ELF1: variants seen among roughly 807,000 people sequenced by gnomAD.
ELF1 encodes the protein ETS-related transcription factor Elf-1.
A neutral mutation model predicts 59.9 loss-of-function variants in ELF1; 24 were observed. The ratio of observed to expected loss-of-function variants is 0.40; its 90% CI spans 0.29 to 0.56. The LOEUF is 0.56. ELF1 is among the 20% of genes least tolerant of loss of function. ELF1 has a pLI of 0.44. For missense variants in ELF1, 627 were observed against 742.2 expected (o/e 0.84, Z 1.80); for synonymous variants, 248 against 266.2 (o/e 0.93, Z 0.67).
chr13:40,938,390 A>G (rs1593347639), intron 8 of ELF1, among the ~76,000 whole-genome samples: 1 of 152,358 alleles, frequency 6.6e-6, no homozygotes, highest in Middle Eastern at 3.4e-3. Context: ...CACATGAAAT[A>G]AAAAGAAATG....
chr13:40,969,397 T>C (rs1405779536), intron 2 of ELF1, among the ~76,000 whole-genome samples: 1 of 152,206 alleles, frequency 6.6e-6, no homozygotes, highest in Non-Finnish European at 1.5e-5. Flanking sequence ...CTGGGTAACA[T>C]GCATTCCTTC....
At chr13:40,989,575 C>A (rs1170933596) in intron 1 of ELF1, among the ~76,000 whole-genome samples, 3 of 151,836 alleles carry the variant, frequency 2.0e-5, no homozygotes, top group African/African-American at 7.3e-5. Flanking sequence ...TTGTTGAATT[C>A]TTTATTAATT....
intron 1 of ELF1, among the ~76,000 whole-genome samples, chr13:41,001,741 C>T (rs1411722338): frequency 3.3e-5 from 5 of 152,188 alleles, no homozygotes; most frequent in South Asian, 4.2e-4. Flanking sequence ...TGCAGTGGCA[C>T]GCTCCCATAG....
intron 2 of ELF1, among the ~76,000 whole-genome samples, chr13:40,980,580 T>A (rs552551648): frequency 6.6e-6 from 1 of 152,180 alleles, no homozygotes; most frequent in Non-Finnish European, 1.5e-5. Flanking sequence ...ACTTCTCTCA[T>A]GTTCCAAAGA....
At chr13:41,015,723 C>T (rs1157608602) in intron 1 of ELF1, among the ~76,000 whole-genome samples, 1 of 152,018 alleles carries the variant, frequency 6.6e-6, no homozygotes, top group Non-Finnish European at 1.5e-5. Flanking sequence ...ATAGTATTAC[C>T]TACAACATGC....
chr13:41,045,120 T>C (rs1876786817), intron 1 of ELF1, among the ~76,000 whole-genome samples: 1 of 152,226 alleles, frequency 6.6e-6, no homozygotes, highest in East Asian at 1.9e-4. Flanking sequence ...AGTTTTCATT[T>C]CTGTGGTATC....
At chr13:40,961,271 T>C (rs942381978) in intron 2 of ELF1, among the ~76,000 whole-genome samples, 11 of 152,176 alleles carry the variant, frequency 7.2e-5, no homozygotes, top group African/African-American at 2.7e-4. Context: ...CTAAAACACA[T>C]TTGGATCGTT....
chr13:40,968,681 T>C lies in ELF1; in HGVS notation c.73-9665A>G, dbSNP rs1872336146. Among the ~76,000 whole-genome samples the C allele has an allele frequency of 2.6e-5, 4 of 152,078 alleles. 1 individual carries two copies. The South Asian group carries it at 8.3e-4, about 31-fold the overall frequency. ...CCACTAAAACAGCTCCAAATATTTC[T>C]GTTGATTAACTCAAGCTCCCTGTAA... On this transcript the variant is annotated intron_variant, in intron 2 of 8. Coordinates refer to ENST00000239882, the MANE Select transcript of ELF1 (RefSeq NM_172373.4).
chr13:40,948,894 G>C (rs1289985200), intron 5 of ELF1, among the ~76,000 whole-genome samples: 1 of 152,060 alleles, frequency 6.6e-6, no homozygotes, highest in African/African-American at 2.4e-5. Context: ...AGGACAAAAG[G>C]GTTTAGATAA....
chr13:40,991,795 TTATTTAAACTTTA>T (rs1243314948), intron 1 of ELF1, among the ~76,000 whole-genome samples: 5 of 152,320 alleles, frequency 3.3e-5, no homozygotes, highest in African/African-American at 1.2e-4. Flanking sequence ...ATGACTTCTC[TTATTTAAACTTTA>T]ATTTTAACCT....
chr13:41,007,485 G>C (rs1874820749), intron 1 of ELF1, among the ~76,000 whole-genome samples: 1 of 152,052 alleles, frequency 6.6e-6, no homozygotes, highest in Admixed American at 6.5e-5. Context: ...AAATAAGGTT[G>C]CTATACAAAC....
intron 1 of ELF1, chr13:40,982,757 TAAG>T (rs1434045035): frequency 2.0e-6 from 1 of 492,950 alleles, no homozygotes; most frequent in African/African-American, 2.1e-5. Context: ...TAAAGTTTAG[TAAG>T]AAGTATTTTT....
intron 2 of ELF1, among the ~76,000 whole-genome samples, chr13:40,967,892 C>T (rs918327168): frequency 1.3e-5 from 2 of 151,904 alleles, no homozygotes; most frequent in African/African-American, 4.8e-5. Flanking sequence ...CATGCCTTGT[C>T]CTTTTTGTTT....
chr13:40,942,127 T>C (rs1566165831), intron 7 of ELF1, among the ~76,000 whole-genome samples: 1 of 152,234 alleles, frequency 6.6e-6, no homozygotes, highest in Non-Finnish European at 1.5e-5. Context: ...TTCAGTAAAT[T>C]TGATTGACTT....
At chr13:41,034,830 C>T (rs1384908080) in intron 1 of ELF1, among the ~76,000 whole-genome samples, 1 of 150,874 alleles carries the variant, frequency 6.6e-6, no homozygotes, top group African/African-American at 2.4e-5. Context: ...CCTATCAGCA[C>T]CCACAGAATA....
intron 2 of ELF1, among the ~76,000 whole-genome samples, chr13:40,980,075 T>G (rs936049541): frequency 6.6e-6 from 1 of 152,212 alleles, no homozygotes; most frequent in African/African-American, 2.4e-5. Context: ...GGCCACAGAC[T>G]GAAGACGCCA....
intron 8 of ELF1, among the ~76,000 whole-genome samples, chr13:40,937,905 C>T (rs1869888770): frequency 6.6e-6 from 1 of 152,348 alleles, no homozygotes; most frequent in Non-Finnish European, 1.5e-5. Flanking sequence ...ACCTCTGCCC[C>T]TCCTGAGTTC....
intron 8 of ELF1, among the ~76,000 whole-genome samples, chr13:40,939,944 A>C (rs1265337724): frequency 6.6e-6 from 1 of 152,224 alleles, no homozygotes; most frequent in Non-Finnish European, 1.5e-5. Context: ...AAATCAAGTG[A>C]AGATTTAAGA....
chr13:40,941,482 G>A lies in ELF1; in HGVS notation c.807-112C>T, dbSNP rs539841888. ...TTTAAAGTTGGAATCAAACTAATGA[G>A]AAAAGAATTTCTAAATAAAGGGCTG... On this transcript the variant is annotated intron_variant, in intron 7 of 8. Transcript: ENST00000239882. 4,285 of 986,312 alleles carry A rather than the reference G, an allele frequency of 4.3e-3. 20 individuals carry two copies. Among genetic ancestry groups the A allele is most frequent in the South Asian group, 0.01 (612 of 58,352 alleles). 61.1% of individuals were successfully genotyped at this position (986,312 alleles called of 1,614,324 possible). A position where few individuals can be genotyped will look rare whatever the true frequency, so the allele number is the denominator to read the frequency against.
Sources: gnomAD v4.1 joint callset for allele counts (sites outside exome capture counted in the v4.1 genomes callset) on GRCh38, gnomAD v4.1.1 for gene constraint, MANE v1.5 for transcripts, NCBI Gene and HGNC (gene_info 2026-07-23, HGNC 2026-07-21) for gene names.